Variants in VWF observed in about 807,000 individuals in gnomAD.
VWF encodes von Willebrand factor, also known as Factor VIII related antigen.
VWF carries 176 observed loss-of-function variants against 308.6 expected under a neutral mutation model. The observed-to-expected ratio is 0.57, with a 90% CI of 0.50 to 0.65. VWF has a LOEUF of 0.65. Among genes scored for constraint, VWF ranks in the 30% least tolerant of loss-of-function variants. The pLI is 0.00. For missense variants in VWF, 3,146 were observed against 3,648.2 expected (o/e 0.86, Z 3.55); for synonymous variants, 1,385 against 1,443.4 (o/e 0.96, Z 0.92).
rs61753986 is a variant in VWF, at chr12:6,121,247, G to A, written c.147C>T (p.Ser49=). 6.2e-7 allele frequency: 1 copy of A among 1,614,236 alleles called. No homozygotes were observed. Among genetic ancestry groups the A allele is most frequent in the East Asian group, 2.2e-5 (1 of 44,886 alleles). The change falls in exon 3 of 52, where the codon AGC becomes AGT. Residue 49 remains serine (S), a synonymous_variant. Coordinates refer to ENST00000261405, the MANE Select transcript of VWF (RefSeq NM_000552.5). ...TGCAGTATCCCGCAAAGCTGTACAT[G>A]CTCCCATCAAAGGTGTTGACGAAGT... is the stretch of plus-strand genomic sequence containing the variant. ...GSDFVNTFDG[S]MYSFAGYCSY...
intron 10 of VWF, among the ~76,000 whole-genome samples, 174 bp from the exon 11 acceptor site, chr12:6,065,447 A>C (rs1199832825): frequency 6.6e-6 from 1 of 152,210 alleles, no homozygotes; most frequent in Non-Finnish European, 1.5e-5. Context: ...CTGCTCCTAA[A>C]ACTGCAAGAT....
At position 6,024,010 on chromosome 12, in the gene VWF, G is replaced by A. The variant is rs1413541104; in HGVS notation, c.3223-223C>T. On this transcript the variant is annotated intron_variant, in intron 24 of 51. Coordinates refer to ENST00000261405, the MANE Select transcript of VWF (RefSeq NM_000552.5). This position sits in a 1 kb window ranked among gnomAD's most constrained non-coding sequence, Gnocchi z 4.0. ...AAGAGTTGAATAATGCAGTGCTGCT[G>A]GCCTTCTGCAGAACACAATGAGCCT... Among the ~76,000 whole-genome samples, 4 of 152,216 alleles carry A rather than the reference G, an allele frequency of 2.6e-5. No individual in the cohort carries two copies. Among genetic ancestry groups the A allele is most frequent in the East Asian group, 1.9e-4 (1 of 5,204 alleles).
intron 18 of VWF, among the ~76,000 whole-genome samples, chr12:6,043,211 T>C (rs1043611929): frequency 3.4e-4 from 51 of 152,146 alleles, no homozygotes; most frequent in African/African-American, 1.2e-3. Flanking sequence ...GGTCTCTCTG[T>C]TTGGGAGAAG....
intron 4 of VWF, 48 bp from the exon 5 acceptor site, chr12:6,110,630 T>C (rs777333123): frequency 1.5e-5 from 24 of 1,591,550 alleles, no homozygotes; most frequent in Non-Finnish European, 1.9e-5. Flanking sequence ...GTGCATTTTC[T>C]GGATGTCTCT....
chr12:6,014,468 C>T (rs990178118), intron 31 of VWF, among the ~76,000 whole-genome samples: 1 of 152,088 alleles, frequency 6.6e-6, no homozygotes, highest in African/African-American at 2.4e-5. Context: ...TGAGGTGACC[C>T]TAGTGGACAT....
At chr12:6,012,382 C>T (rs1318389544) in intron 32 of VWF, among the ~76,000 whole-genome samples, 1 of 152,210 alleles carries the variant, frequency 6.6e-6, no homozygotes, top group East Asian at 1.9e-4. Context: ...ATAACTACAG[C>T]TTACGCTGTC....
chr12:5,986,799 G>A (rs1324723235), intron 38 of VWF, among the ~76,000 whole-genome samples: 1 of 152,182 alleles, frequency 6.6e-6, no homozygotes, highest in Non-Finnish European at 1.5e-5. Context: ...TTTTACCACT[G>A]CCCTCACTTT....
intron 13 of VWF, among the ~76,000 whole-genome samples, chr12:6,061,429 C>T (rs1944653708): frequency 6.6e-6 from 1 of 150,938 alleles, no homozygotes; most frequent in African/African-American, 2.5e-5. Flanking sequence ...CCCAGACCTT[C>T]CTGCTTTATG....
intron 5 of VWF, 137 bp from the exon 6 acceptor site, chr12:6,095,721 TC>T: frequency 7.7e-7 from 1 of 1,301,816 alleles, no homozygotes; most frequent in Non-Finnish European, 1.1e-6. Context: ...TGGCTATGTT[TC>T]CCAGGCTGGA....
chr12:5,998,833 A>G (rs981829557), intron 34 of VWF, among the ~76,000 whole-genome samples: 1 of 152,026 alleles, frequency 6.6e-6, no homozygotes, highest in South Asian at 2.1e-4. Flanking sequence ...GGTTCAGGCG[A>G]TTCTCCTGCC....
intron 10 of VWF, among the ~76,000 whole-genome samples, chr12:6,068,840 G>A (rs1253279024): frequency 3.6e-4 from 32 of 89,126 alleles, no homozygotes; most frequent in Admixed American, 1.3e-3. Context: ...TTTTGCGTGT[G>A]TGTGTGTGTG....
rs563831529 is a variant in VWF at position 6,096,625 on chromosome 12, C to A, written c.533-1041G>T. On this transcript the variant is annotated intron_variant, in intron 5 of 51. Transcript: ENST00000261405. ...ATGAAGGTAAGAATATGACATGGAACCTAAGCCCAGTCCCCAAGTCACTGC... is the reference window on the plus strand; with the variant it reads ...ATGAAGGTAAGAATATGACATGGAAACTAAGCCCAGTCCCCAAGTCACTGC... Among the ~76,000 whole-genome samples, 6 of 152,316 alleles carry A rather than the reference C, an allele frequency of 3.9e-5. No individual in the cohort carries two copies. The East Asian group carries it at 1.2e-3, about 29-fold the overall frequency.
chr12:6,077,427 G>A (rs1483166912), intron 6 of VWF, among the ~76,000 whole-genome samples: 4 of 152,342 alleles, frequency 2.6e-5, no homozygotes, highest in East Asian at 3.9e-4. Context: ...GCTGCTCTGC[G>A]TCTCGGGGCC....
chr12:6,004,441 C>T (rs951740262), intron 34 of VWF, among the ~76,000 whole-genome samples: 4 of 152,154 alleles, frequency 2.6e-5, no homozygotes, highest in Admixed American at 6.5e-5. Context: ...ATATAAAATA[C>T]ATGATATGTG....
intron 11 of VWF, 84 bp downstream of exon 11, chr12:6,065,053 C>T: frequency 1.3e-6 from 2 of 1,598,136 alleles, no homozygotes; most frequent in South Asian, 2.2e-5. Context: ...TGCCCCACGC[C>T]TTCCAGGGAC....
At chr12:6,103,431 C>CACACGTGTGTGTATACACACGT (rs1565391026) in intron 5 of VWF, among the ~76,000 whole-genome samples, 1 of 111,652 alleles carries the variant, frequency 9.0e-6, no homozygotes, top group African/African-American at 4.3e-5. Flanking sequence ...TGTATACACA[C>CACACGTGTGTGTATACACACGT]GTGTGTATAT....
chr12:6,091,350 G>C (rs116482664), intron 6 of VWF, among the ~76,000 whole-genome samples: 2 of 152,052 alleles, frequency 1.3e-5, no homozygotes, highest in Non-Finnish European at 2.9e-5. Flanking sequence ...AGAGGGCTGG[G>C]TTTCTCTACT....
At chr12:6,087,874 A>C (rs1944990587) in intron 6 of VWF, among the ~76,000 whole-genome samples, 1 of 152,088 alleles carries the variant, frequency 6.6e-6, no homozygotes, top group Non-Finnish European at 1.5e-5. Context: ...GCTGCTGCTG[A>C]ATGATTCACC....
At position 6,065,208 on chromosome 12, in the gene VWF, C is replaced by T. The variant is rs201306785; in HGVS notation, c.1222G>A (p.Gly408Arg). The T allele has an allele frequency of 4.3e-6, 7 of 1,614,172 alleles. No individual in the cohort carries two copies. The highest frequency in any genetic ancestry group is 2.7e-5 in the African/African-American group (2 of 75,042). The change falls in exon 11 of 52, where the codon GGG (glycine) becomes AGG (arginine). Residue 408 changes from glycine to arginine, a missense_variant. Gly to Arg is a moderately radical substitution (Grantham distance 125). Transcript: ENST00000261405. ...SFDNRYFTFS[G>R]ICQYLLARDC... ...CGGGCCAGCAGGTACTGGCAGATCC[C>T]ACTGAAGGTGAAGTATCTGTTGTCA...
Sources: allele counts gnomAD v4.1 joint callset (sites outside exome capture counted in the v4.1 genomes callset), GRCh38; gene constraint gnomAD v4.1.1; non-coding constraint Gnocchi (gnomAD v3.1); transcripts MANE v1.5; gene names NCBI Gene and HGNC (gene_info 2026-07-23, HGNC 2026-07-21).